Variants in TRIM45 observed in about 807,000 individuals in gnomAD.
TRIM45 encodes the protein E3 ubiquitin-protein ligase TRIM45.
In TRIM45, 45 loss-of-function variants were observed where a neutral mutation model predicts 46.7. The observed-to-expected ratio is 0.96, with a 90% CI of 0.76 to 1.24. TRIM45 has a LOEUF of 1.24. Among genes scored for constraint, TRIM45 ranks in the 50% most tolerant of loss-of-function variants. The pLI, the probability that TRIM45 is intolerant of heterozygous loss-of-function variation, is 0.00. For synonymous variants in TRIM45, 259 were observed against 285.8 expected (o/e 0.91, Z 0.94); for missense variants, 680 against 728.4 (o/e 0.93, Z 0.77).
Position 117,112,281 on chromosome 1 carries a change from T to C in TRIM45, c.*24A>G, listed in dbSNP as rs777161252. 6.5e-7 allele frequency: 1 copy of C among 1,532,738 alleles called. No homozygotes were observed. The highest frequency in any genetic ancestry group is 1.4e-5 in the African/African-American group (1 of 72,164). 94.9% of individuals were successfully genotyped at this position (1,532,738 alleles called of 1,614,324 possible). A position where few individuals can be genotyped will look rare whatever the true frequency, so the allele number is the denominator to read the frequency against. On this transcript the variant is annotated 3_prime_UTR_variant, in exon 6 of 6. Transcript: ENST00000256649. The stretch of plus-strand genomic sequence containing the variant: ...AATCTCAAGTGGTGCTGCCTGCAGC[T>C]TTAAAAGGCTGAGCACAAACCCATC...
Sources: allele counts gnomAD v4.1 joint callset, GRCh38; gene constraint gnomAD v4.1.1; transcripts MANE v1.5; gene names NCBI Gene and HGNC (gene_info 2026-07-23, HGNC 2026-07-21).